Variants in NAPSA observed in about 807,000 individuals in gnomAD.
NAPSA encodes the protein napsin A aspartic peptidase.
A neutral mutation model predicts 36.7 loss-of-function variants in NAPSA; 37 were observed. The observed-to-expected ratio is 1.01, with a 90% CI of 0.78 to 1.33. The LOEUF is 1.33. Ranked by LOEUF, NAPSA falls within the 40% of genes most tolerant of loss-of-function variation. The pLI is 0.00. For missense variants in NAPSA, 532 were observed against 543.8 expected (o/e 0.98, Z 0.21); for synonymous variants, 222 against 234.5 (o/e 0.95, Z 0.49).
At chr19:50,364,464 A>G (rs2037517121) in intron 1 of NAPSA, among the ~76,000 whole-genome samples, 1 of 151,154 alleles carries the variant, frequency 6.6e-6, no homozygotes, top group Admixed American at 6.6e-5. Flanking sequence ...AAATACAAAA[A>G]ATTAGCCGGG....
At chr19:50,368,207 G>C (rs1482656462), upstream of NAPSA, among the ~76,000 whole-genome samples, 9 of 151,626 alleles carry the variant, frequency 5.9e-5, no homozygotes, top group East Asian at 1.5e-3. Flanking sequence ...AGGTGCGGTG[G>C]GGGTGCGTTT....
Position 50,361,685 on chromosome 19 carries a change from A to G in NAPSA, c.446T>C (p.Ile149Thr), listed in dbSNP as rs2037474963. The change falls in exon 4 of 9, where the codon ATC becomes ACC. Residue 149 changes from isoleucine to threonine, a missense_variant. Coordinates refer to ENST00000253719, the MANE Select transcript of NAPSA (RefSeq NM_004851.3). ...CACAGTCAGCTTGTCCTCGCTCAGG[A>G]TTCCATCTACCCGCCCAGTTCCATA... ...IQYGTGRVDG[I>T]LSEDKLTIGG... is the part of the protein sequence containing the mutation. 1 of 1,613,946 alleles carries G rather than the reference A, an allele frequency of 6.2e-7. No homozygotes were observed. The highest frequency in any genetic ancestry group is 8.5e-7 in the Non-Finnish European group (1 of 1,179,974).
upstream of NAPSA, among the ~76,000 whole-genome samples, chr19:50,369,015 T>A (rs1457436310): frequency 6.6e-6 from 1 of 151,514 alleles, no homozygotes. Flanking sequence ...TCCCCATGTC[T>A]TGTCTCTCAG....
In NAPSA at chr19:50,361,096, G is replaced by A. The variant is rs762284121; in HGVS notation, c.513C>T (p.Leu171=). Residue 171 remains leucine (L), a synonymous_variant, in exon 5 of 9, where the codon CTC becomes CTT. Coordinates refer to ENST00000253719, the MANE Select transcript of NAPSA (RefSeq NM_004851.3). ...KGASVIFGEA[L]WEPSLVFAFA... ...AAGCGAAGACCAGGCTGGGCTCCCA[G>A]AGAGCCTCCCCGAAAATCACTGATG... 1 of 1,614,118 alleles carries A rather than the reference G, an allele frequency of 6.2e-7. No individual in the cohort carries two copies. Among genetic ancestry groups the A allele is most frequent in the Non-Finnish European group, 8.5e-7 (1 of 1,180,018 alleles).
At chr19:50,366,615 T>C (rs528838933), upstream of NAPSA, among the ~76,000 whole-genome samples, 6 of 152,246 alleles carry the variant, frequency 3.9e-5, no homozygotes, top group East Asian at 7.7e-4. Context: ...TTGATGCTTA[T>C]AGATGTTCAT....
At chr19:50,361,454 T>C in intron 4 of NAPSA, 1 of 595,638 alleles carries the variant, frequency 1.7e-6, no homozygotes, top group Non-Finnish European at 3.0e-6. Flanking sequence ...CCCCCCTGCT[T>C]GAGAAGCCCC....
Position 50,360,555 on chromosome 19 carries a change from C to T in NAPSA, c.668+386G>A, listed in dbSNP as rs146500678. Reference sequence around the variant, plus strand: ...GATTAAATCGGGCAATTCCTGACTTCTGGTCAGTGTTCTCAAATGGGATTT... The same window carrying T: ...GATTAAATCGGGCAATTCCTGACTTTTGGTCAGTGTTCTCAAATGGGATTT... On this transcript the variant is annotated intron_variant, in intron 5 of 8. Coordinates refer to ENST00000253719, the MANE Select transcript of NAPSA (RefSeq NM_004851.3). 4.6e-5 allele frequency among the ~76,000 whole-genome samples: 7 copies of T among 152,246 alleles called. No homozygotes were observed. The East Asian group carries it at 1.4e-3, about 29-fold the overall frequency.
chr19:50,368,181 AAAC>A (rs1218426281), upstream of NAPSA, among the ~76,000 whole-genome samples: 3 of 146,476 alleles, frequency 2.0e-5, no homozygotes, highest in African/African-American at 7.6e-5. Context: ...AAAAAAAAAG[AAAC>A]AAAAGAAAGG....
intron 1 of NAPSA, among the ~76,000 whole-genome samples, chr19:50,364,218 G>A (rs976030315): frequency 5.3e-5 from 8 of 151,526 alleles, no homozygotes; most frequent in African/African-American, 1.9e-4. Context: ...CACTTTCAGA[G>A]GCAGGAGAAT....
chr19:50,360,899 C>CT lies in NAPSA; in HGVS notation c.668+41dup, dbSNP rs761068475. The CT allele has an allele frequency of 1.1e-5, 18 of 1,574,130 alleles. No individual in the cohort carries two copies. In the South Asian group the frequency reaches 2.0e-4, roughly 18 times the overall value. On this transcript the variant is annotated intron_variant, in intron 5 of 8. Coordinates refer to ENST00000253719, the MANE Select transcript of NAPSA (RefSeq NM_004851.3). ...TTCCTGAAGGAAGACTCTCTTCCTT[C>CT]TTGGGGATAGGACTCATAGATAGGT... is the stretch of plus-strand genomic sequence containing the variant.
At chr19:50,368,157 C>CAAAAAA (rs56938224), upstream of NAPSA, among the ~76,000 whole-genome samples, 1 of 64,184 alleles carries the variant, frequency 1.6e-5, no homozygotes, top group African/African-American at 6.3e-5. Context: ...GACTCCCTCT[C>CAAAAAA]AAAAAAAAAA....
Position 50,365,582 on chromosome 19 carries a change from G to A in NAPSA, c.40C>T (p.Leu14=). 1 of 1,613,368 alleles carries A rather than the reference G, an allele frequency of 6.2e-7. No individual in the cohort carries two copies. The highest frequency in any genetic ancestry group is 8.5e-7 in the Non-Finnish European group (1 of 1,179,736). Residue 14 remains leucine (L), a synonymous_variant, in exon 1 of 9, where the codon CTG becomes TTG. Coordinates refer to ENST00000253719, the MANE Select transcript of NAPSA (RefSeq NM_004851.3). The part of the protein sequence containing the change: ...PPLLQPLLLL[L]PLLNVEPSGA... ...GAAGGCTCCACATTCAGCAGAGGCA[G>A]CAGCAGCAGCAGGGGTTGCAGCAGC...
At chr19:50,361,226 C>A in intron 4 of NAPSA, 86 bp from the exon 5 acceptor site, 1 of 1,219,516 alleles carries the variant, frequency 8.2e-7, no homozygotes, top group Non-Finnish European at 1.2e-6. Context: ...GGCATGAATC[C>A]TAGGTCTGGG....
chr19:50,361,615 A>G, intron 4 of NAPSA, 48 bp downstream of exon 4: 1 of 1,491,928 alleles, frequency 6.7e-7, no homozygotes. Flanking sequence ...ATCTTAGACA[A>G]TGGGGTTCTC....
rs754000265 is a variant in NAPSA at position 50,365,601 on chromosome 19, C to T, written c.21G>A (p.Leu7=). 4 of 1,612,514 alleles carry T rather than the reference C, an allele frequency of 2.5e-6. No individual in the cohort carries two copies. The South Asian group carries it at 3.3e-5, about 13-fold the overall frequency. ...GAGGCAGCAGCAGCAGCAGGGGTTG[C>T]AGCAGCGGTGGTGGAGACATCGCTG... The part of the protein sequence containing the change: MSPPPL[L]QPLLLLLPLL... The change falls in exon 1 of 9, where the codon CTG becomes CTA. Residue 7 remains leucine, a synonymous_variant. Coordinates refer to ENST00000253719, the MANE Select transcript of NAPSA (RefSeq NM_004851.3).
intron 1 of NAPSA, among the ~76,000 whole-genome samples, chr19:50,362,999 G>C (rs770391155): frequency 6.6e-6 from 1 of 152,168 alleles, no homozygotes; most frequent in Non-Finnish European, 1.5e-5. Flanking sequence ...AGGTCATGAC[G>C]ATGCTGTTGA....
In NAPSA at chr19:50,359,110, C is replaced by G. The variant is rs775480022; in HGVS notation, c.937-1G>C. On this transcript the variant is annotated splice_acceptor_variant, in intron 7 of 8. Coordinates refer to ENST00000253719, the MANE Select transcript of NAPSA (RefSeq NM_004851.3). LOFTEE classifies it high-confidence loss of function. ...GGATTTCCGAGCACAGGATGATGTACTGGGGGAGAAGAGGAACTAGTGAAG... is the reference window on the plus strand; with the variant it reads ...GGATTTCCGAGCACAGGATGATGTAGTGGGGGAGAAGAGGAACTAGTGAAG... 4.0e-5 allele frequency: 64 copies of G among 1,611,042 alleles called. No individual in the cohort carries two copies. The highest frequency in any genetic ancestry group is 5.3e-5 in the Non-Finnish European group (62 of 1,177,532).
rs1246310477 is a variant in NAPSA at position 50,359,083 on chromosome 19, TG to T, written c.962del (p.Pro321GlnfsTer70). On this transcript the variant is annotated frameshift_variant, in exon 8 of 9. Coordinates refer to ENST00000253719, the MANE Select transcript of NAPSA (RefSeq NM_004851.3). LOFTEE classifies it high-confidence loss of function. The stretch of plus-strand genomic sequence containing the variant: ...GAAGGAAGGAGACTGCGGGGAGCTT[TG>T]GGATTTCCGAGCACAGGATGATGTA... ...GEYIILCSEI[P>X]KLPAVSFLLG... The T allele has an allele frequency of 1.9e-6, 3 of 1,613,974 alleles. No individual in the cohort carries two copies. Among genetic ancestry groups the T allele is most frequent in the Non-Finnish European group, 2.5e-6 (3 of 1,179,950 alleles).
At position 50,358,696 on chromosome 19, in the gene NAPSA, C is replaced by G; in HGVS notation, c.1120G>C (p.Gly374Arg). 1 of 1,613,492 alleles carries G rather than the reference C, an allele frequency of 6.2e-7. No individual in the cohort carries two copies. Among genetic ancestry groups the G allele is most frequent in the Non-Finnish European group, 8.5e-7 (1 of 1,179,990 alleles). The change falls in exon 9 of 9, where the codon GGT becomes CGT. Residue 374 changes from glycine to arginine, a missense_variant. By Grantham distance (125) the Gly-to-Arg change is moderately radical (BLOSUM62 -2). This residue lies in a region of NAPSA where 385 missense variants were observed against 371.5 expected (regional missense o/e 1.04). Transcript: ENST00000253719. The stretch of plus-strand genomic sequence containing the variant: ...ACATACGTCCCCAAGAAGACGTCAC[C>G]GAGGATCCAGAAGGGCCCTGCAGGC... ...PPPAGPFWILGDVFLGTYVAV... is the reference protein window; with the variant it reads ...PPPAGPFWILRDVFLGTYVAV...
Sources: allele counts gnomAD v4.1 joint callset (sites outside exome capture counted in the v4.1 genomes callset), GRCh38; gene constraint gnomAD v4.1.1; regional missense constraint gnomAD v4.1.1; transcripts MANE v1.5; gene names NCBI Gene and HGNC (gene_info 2026-07-23, HGNC 2026-07-21).